Variants in HS3ST1 observed in about 807,000 individuals in gnomAD.
The protein encoded by HS3ST1 is heparan sulfate glucosamine 3-O-sulfotransferase 1.
HS3ST1 carries 8 observed loss-of-function variants against 20.7 expected under a neutral mutation model. That is an observed-to-expected ratio of 0.39 (90% CI 0.23 to 0.70). The LOEUF (loss-of-function observed/expected upper bound fraction) is 0.70. Ranked by LOEUF, HS3ST1 falls within the 30% of genes least tolerant of loss-of-function variation. The pLI is 0.46. For synonymous variants in HS3ST1, 205 were observed against 190.4 expected (o/e 1.08, Z -0.63); for missense variants, 436 against 423.4 (o/e 1.03, Z -0.26).
At chr4:11,432,188 T>C (rs1577089662), upstream of HS3ST1, among the ~76,000 whole-genome samples, 1 of 152,134 alleles carries the variant, frequency 6.6e-6, no homozygotes. Flanking sequence ...AAGAGAGAAG[T>C]TGCTTCTTTT....
intron 1 of HS3ST1, among the ~76,000 whole-genome samples, chr4:11,420,816 T>C (rs1193075610): frequency 6.6e-6 from 1 of 152,204 alleles, no homozygotes; most frequent in Non-Finnish European, 1.5e-5. Flanking sequence ...AGCCCTTCTC[T>C]TTCATCTTGG....
At position 11,398,715 on chromosome 4, in the gene HS3ST1, T is replaced by C. The variant is rs553478979; in HGVS notation, c.*367A>G. 2.2e-3 allele frequency: 354 copies of C among 164,276 alleles called. No homozygotes were observed. Among genetic ancestry groups the C allele is most frequent in the Middle Eastern group, 0.012 (4 of 340 alleles). The allele number at this position is 164,276 out of a possible 1,614,324, so 10.2% of individuals were successfully genotyped here. A position where few individuals can be genotyped will look rare whatever the true frequency, so the allele number is the denominator to read the frequency against. On this transcript the variant is annotated 3_prime_UTR_variant, in exon 2 of 2. Coordinates refer to ENST00000002596, the MANE Select transcript of HS3ST1 (RefSeq NM_005114.4). Reference sequence around the variant, plus strand: ...TGTTTTTTTAAGTAACAAAAGAATTTAGATTTTGCAATGATTGCAACACAG... The same window carrying C: ...TGTTTTTTTAAGTAACAAAAGAATTCAGATTTTGCAATGATTGCAACACAG...
chr4:11,414,156 C>G (rs1718707460), intron 1 of HS3ST1: 1 of 152,164 alleles, frequency 6.6e-6, no homozygotes, highest in African/African-American at 2.4e-5. Context: ...GGTATAGCTG[C>G]AGGCAAGAGA....
chr4:11,403,719 G>A (rs1414599555), intron 1 of HS3ST1, among the ~76,000 whole-genome samples: 3 of 152,220 alleles, frequency 2.0e-5, no homozygotes, highest in Admixed American at 2.0e-4. Flanking sequence ...CAGGGTATGT[G>A]TAGTACAGGG....
intron 1 of HS3ST1, among the ~76,000 whole-genome samples, chr4:11,402,924 A>T (rs1718365300): frequency 6.6e-6 from 1 of 152,178 alleles, no homozygotes; most frequent in Admixed American, 6.5e-5. Flanking sequence ...AAATAACAAC[A>T]ACGTATTGGG....
In HS3ST1 at chr4:11,399,905, G is replaced by A. The variant is rs1323724593; in HGVS notation, c.101C>T (p.Ala34Val). The change falls in exon 2 of 2, where the codon GCG becomes GTG. Residue 34 changes from alanine to valine, a missense_variant. Transcript: ENST00000002596. This position sits in a 1 kb window ranked among gnomAD's most constrained non-coding sequence, Gnocchi z 5.1. ...ELGQQELLRK[A>V]GTLQDDVRDG... The stretch of plus-strand genomic sequence containing the variant: ...GCGGACGTCATCCTGGAGGGTCCCC[G>A]CTTTCCGCAGAAGCTCCTGCTGGCC... The A allele has an allele frequency of 1.9e-6, 3 of 1,606,988 alleles. No individual in the cohort carries two copies. The highest frequency in any genetic ancestry group is 2.5e-6 in the Non-Finnish European group (3 of 1,178,298).
At chr4:11,405,765 A>G (rs555461309) in intron 1 of HS3ST1, among the ~76,000 whole-genome samples, 95 of 143,908 alleles carry the variant, frequency 6.6e-4, no homozygotes, top group African/African-American at 2.4e-3. Context: ...TATTTGGATT[A>G]AAAAAGAGGG....
Position 11,395,228 on chromosome 4 carries a change from C to T in HS3ST1, c.*3854G>A, listed in dbSNP as rs1718105496. ...CCTTCCCACAGGAAGGTCAGGGTCT[C>T]TGTGGCCCACAAGTTAAGTGACCTG... On this transcript the variant is annotated 3_prime_UTR_variant, in exon 2 of 2. Transcript: ENST00000002596. 1 of 152,170 alleles carries T rather than the reference C, an allele frequency of 6.6e-6. No individual in the cohort carries two copies. Among genetic ancestry groups the T allele is most frequent in the African/African-American group, 2.4e-5 (1 of 41,444 alleles). 9.4% of individuals were successfully genotyped at this position (152,170 alleles called of 1,614,324 possible).
At position 11,399,357 on chromosome 4, in the gene HS3ST1, C is replaced by G. The variant is rs751218446; in HGVS notation, c.649G>C (p.Gly217Arg). ...AAGGGGTCCCTGATGAGGCGGTCGC[C>G]GTCCACAATGTGGATGTGGCGCAGC... ...FPLRHIHIVDGDRLIRDPFPE... is the reference protein window; with the variant it reads ...FPLRHIHIVDRDRLIRDPFPE... Residue 217 changes from glycine to arginine, a missense_variant, in exon 2 of 2, where the codon GGC (glycine) becomes CGC (arginine). By Grantham distance (125) the Gly-to-Arg change is moderately radical (BLOSUM62 -2). Coordinates refer to ENST00000002596, the MANE Select transcript of HS3ST1 (RefSeq NM_005114.4). This position sits in a 1 kb window ranked among gnomAD's most constrained non-coding sequence, Gnocchi z 5.1. 4.3e-6 allele frequency: 7 copies of G among 1,613,996 alleles called. No homozygotes were observed. The highest frequency in any genetic ancestry group is 5.9e-6 in the Non-Finnish European group (7 of 1,180,014).
At chr4:11,400,291 T>C (rs1245685825) in intron 1 of HS3ST1, among the ~76,000 whole-genome samples, 178 bp from the exon 2 acceptor site, 1 of 152,160 alleles carries the variant, frequency 6.6e-6, no homozygotes, top group African/African-American at 2.4e-5. Context: ...ATAAGTATTT[T>C]AGGCTTTAGG....
At chr4:11,405,295 T>C (rs1335313855) in intron 1 of HS3ST1, among the ~76,000 whole-genome samples, 1 of 152,182 alleles carries the variant, frequency 6.6e-6, no homozygotes, top group Admixed American at 6.5e-5. Context: ...GTTTCATGAA[T>C]TGAAAAGATT....
intron 1 of HS3ST1, among the ~76,000 whole-genome samples, chr4:11,411,666 A>G (rs2108885282): frequency 6.6e-6 from 1 of 152,332 alleles, no homozygotes; most frequent in South Asian, 2.1e-4. Flanking sequence ...GATTAAATGC[A>G]CTGGTGTATG....
At chr4:11,407,835 A>G (rs555072506) in intron 1 of HS3ST1, among the ~76,000 whole-genome samples, 2 of 152,356 alleles carry the variant, frequency 1.3e-5, no homozygotes, top group South Asian at 4.1e-4. Flanking sequence ...GGGATTCTGT[A>G]TTCCTCATAA....
At chr4:11,406,150 G>T (rs1342117917) in intron 1 of HS3ST1, among the ~76,000 whole-genome samples, 2 of 152,226 alleles carry the variant, frequency 1.3e-5, no homozygotes, top group Non-Finnish European at 2.9e-5. Flanking sequence ...TACCTGCTGA[G>T]CACTCACTGG....
Position 11,396,028 on chromosome 4 carries a change from CATGTG to C in HS3ST1, c.*3049_*3053del, listed in dbSNP as rs1157834229. 14 of 151,518 alleles carry C rather than the reference CATGTG, an allele frequency of 9.2e-5. No individual in the cohort carries two copies. The highest frequency in any genetic ancestry group is 3.4e-4 in the African/African-American group (14 of 41,262). 9.4% of individuals were successfully genotyped at this position (151,518 alleles called of 1,614,324 possible). A position where few individuals can be genotyped will look rare whatever the true frequency, so the allele number is the denominator to read the frequency against. On this transcript the variant is annotated 3_prime_UTR_variant, in exon 2 of 2. Coordinates refer to ENST00000002596, the MANE Select transcript of HS3ST1 (RefSeq NM_005114.4). ...CTTGAGGACTCAATACCATGTTGAG[CATGTG>C]GTAGGGGATCAAAAAAGTAAAATTT... is the stretch of plus-strand genomic sequence containing the variant.
At chr4:11,401,499 C>T (rs1225360179) in intron 1 of HS3ST1, among the ~76,000 whole-genome samples, 1 of 152,070 alleles carries the variant, frequency 6.6e-6, no homozygotes, top group East Asian at 1.9e-4. Flanking sequence ...CATGTGCCAC[C>T]ACGCCCAGCT....
chr4:11,427,706 G>A (rs1239920562), intron 1 of HS3ST1, among the ~76,000 whole-genome samples: 1 of 152,222 alleles, frequency 6.6e-6, no homozygotes, highest in African/African-American at 2.4e-5. Context: ...CTGGCTCCCA[G>A]GGGAGGGAAA....
intron 1 of HS3ST1, among the ~76,000 whole-genome samples, chr4:11,424,518 C>G (rs1204829273): frequency 1.3e-5 from 2 of 151,866 alleles, no homozygotes; most frequent in Non-Finnish European, 2.9e-5. Flanking sequence ...CTGGCTAAGT[C>G]AGGGAGAAAG....
In HS3ST1 at chr4:11,393,338, T is replaced by G. The variant is rs1718053701; in HGVS notation, c.*5744A>C. ...AAAAGAGCCTACTACTTGGTAACAA[T>G]TTCAGCCATTATTGAATTTAACACT... On this transcript the variant is annotated 3_prime_UTR_variant, in exon 2 of 2. Coordinates refer to ENST00000002596, the MANE Select transcript of HS3ST1 (RefSeq NM_005114.4). The G allele has an allele frequency of 1.3e-5, 2 of 152,242 alleles. No individual in the cohort carries two copies. Among genetic ancestry groups the G allele is most frequent in the Non-Finnish European group, 2.9e-5 (2 of 68,050 alleles). 9.4% of individuals were successfully genotyped at this position (152,242 alleles called of 1,614,324 possible).
Sources: allele counts gnomAD v4.1 joint callset (sites outside exome capture counted in the v4.1 genomes callset), GRCh38; gene constraint gnomAD v4.1.1; non-coding constraint Gnocchi (gnomAD v3.1); transcripts MANE v1.5; gene names NCBI Gene and HGNC (gene_info 2026-07-23, HGNC 2026-07-21).